The following IQGAP3 variants were observed in gnomAD, a reference collection of about 807,000 sequenced individuals.
IQGAP3 encodes the protein IQ motif containing GTPase activating protein 3, also known as ras GTPase-activating-like protein IQGAP3.
In IQGAP3, 165 loss-of-function variants were observed where a neutral mutation model predicts 208.2. The observed-to-expected ratio is 0.79, with a 90% CI of 0.70 to 0.90. IQGAP3 has a LOEUF of 0.90. IQGAP3 is among the 40% of genes least tolerant of loss of function. IQGAP3 has a pLI of 0.00. For missense variants in IQGAP3, 1,811 were observed against 2,043.1 expected (o/e 0.89, Z 2.19); for synonymous variants, 703 against 803.6 (o/e 0.87, Z 2.12).
rs1486569553 is a variant in IQGAP3, at chr1:156,540,860, G to C, written c.2587C>G (p.Gln863Glu). Reference protein sequence around the residue: ...VVRRFAHLLNQSQQDFLAEAE... With the variant: ...VVRRFAHLLNESQQDFLAEAE... ...TCAGCCAAGAAGTCTTGCTGGCTTTGATTCAAGAGATGGGCAAATCTGCGT... is the reference window on the plus strand; with the variant it reads ...TCAGCCAAGAAGTCTTGCTGGCTTTCATTCAAGAGATGGGCAAATCTGCGT... Residue 863 changes from glutamine (Q) to glutamate (E), a missense_variant, in exon 23 of 38, where the codon CAA (glutamine) becomes GAA (glutamate). Gln to Glu is a conservative substitution (Grantham distance 29). Transcript: ENST00000361170. 6.2e-7 allele frequency: 1 copy of C among 1,614,080 alleles called. No homozygotes were observed. Among genetic ancestry groups the C allele is most frequent in the South Asian group, 1.1e-5 (1 of 91,076 alleles).
At chr1:156,548,769 G>C in intron 16 of IQGAP3, 21 bp from the exon 17 acceptor site, 2 of 1,537,856 alleles carry the variant, frequency 1.3e-6, no homozygotes. Flanking sequence ...CATCAGGAGA[G>C]AGCAGTCAAT....
At chr1:156,562,057 C>T (rs1211429200) in intron 9 of IQGAP3, 56 bp from the exon 10 acceptor site, 2 of 1,465,736 alleles carry the variant, frequency 1.4e-6, no homozygotes, top group Admixed American at 2.0e-5. Context: ...CTCATAATCC[C>T]CTAGTCCAGC....
intron 1 of IQGAP3, among the ~76,000 whole-genome samples, chr1:156,570,988 G>A (rs1234794849): frequency 2.0e-5 from 3 of 152,214 alleles, no homozygotes; most frequent in Non-Finnish European, 2.9e-5. Context: ...AGGGAAACAT[G>A]CCACTCACTT....
chr1:156,532,664 A>G lies in IQGAP3; in HGVS notation c.4103+316T>C, dbSNP rs1041741563. ...GGAGTTTGAGGCCAGCTTGGGCAAC[A>G]TGGCGAGACTCTGTCTCTACTTGAA... On this transcript the variant is annotated intron_variant, in intron 32 of 37. Coordinates refer to ENST00000361170, the MANE Select transcript of IQGAP3 (RefSeq NM_178229.5). Among the ~76,000 whole-genome samples the G allele has an allele frequency of 2.6e-5, 4 of 152,332 alleles. No homozygotes were observed. In the South Asian group the frequency reaches 8.3e-4, roughly 32 times the overall value.
At chr1:156,538,755 C>T (rs1674829607) in intron 26 of IQGAP3, 54 bp downstream of exon 26, 3 of 1,485,390 alleles carry the variant, frequency 2.0e-6, no homozygotes, top group East Asian at 2.3e-5. Context: ...CAAGACACAG[C>T]TGATCAAGAC....
At chr1:156,561,704 G>A (rs1424827542) in intron 10 of IQGAP3, 134 bp downstream of exon 10, 7 of 877,902 alleles carry the variant, frequency 8.0e-6, no homozygotes, top group East Asian at 2.7e-5. Flanking sequence ...AGGCCTTGGG[G>A]TGATTTAACC....
At chr1:156,546,309 C>A in intron 19 of IQGAP3, among the ~76,000 whole-genome samples, 1 of 152,158 alleles carries the variant, frequency 6.6e-6, no homozygotes, top group Admixed American at 6.5e-5. Flanking sequence ...TTTCCCCGGG[C>A]AAGAGGCTCA....
At chr1:156,569,251 T>A in intron 2 of IQGAP3, 125 bp downstream of exon 2, 1 of 619,416 alleles carries the variant, frequency 1.6e-6, no homozygotes, top group Non-Finnish European at 2.9e-6. Flanking sequence ...TAAAAAGCTA[T>A]TTCAACTCGC....
chr1:156,564,563 T>G (rs1676313963), intron 5 of IQGAP3, 52 bp downstream of exon 5: 2 of 1,161,010 alleles, frequency 1.7e-6, no homozygotes, highest in Admixed American at 3.4e-5. Context: ...TTGTTGATTG[T>G]TGGTCGCATC....
chr1:156,533,705 C>A (rs1674535372), intron 31 of IQGAP3, 68 bp downstream of exon 31: 1 of 1,317,354 alleles, frequency 7.6e-7, no homozygotes. Context: ...ACATGCCCTG[C>A]CTGCCTGCCT....
Position 156,561,031 on chromosome 1 carries a change from G to A in IQGAP3, c.1042-10C>T. 1 of 1,605,084 alleles carries A rather than the reference G, an allele frequency of 6.2e-7. No individual in the cohort carries two copies. The highest frequency in any genetic ancestry group is 8.5e-7 in the Non-Finnish European group (1 of 1,172,160). Reference sequence around the variant, plus strand: ...CCACCAGGCCCAGCTCCTAAGAGAGGGAAGAGATACAGTAGAATGGAGTCC... The same window carrying A: ...CCACCAGGCCCAGCTCCTAAGAGAGAGAAGAGATACAGTAGAATGGAGTCC... On this transcript the variant is annotated splice_polypyrimidine_tract_variant and intron_variant, in intron 10 of 37. Transcript: ENST00000361170.
At chr1:156,540,667 C>T (rs768609329) in intron 23 of IQGAP3, 41 bp downstream of exon 23, 2 of 1,539,300 alleles carry the variant, frequency 1.3e-6, no homozygotes, top group Admixed American at 1.7e-5. Flanking sequence ...TCTCCAGAGG[C>T]AGGCAGATCT....
rs1674560285 is a variant in IQGAP3 at position 156,534,043 on chromosome 1, T to C, written c.3839A>G (p.Tyr1280Cys). 6.2e-7 allele frequency: 1 copy of C among 1,613,958 alleles called. No homozygotes were observed. Among genetic ancestry groups the C allele is most frequent in the Non-Finnish European group, 8.5e-7 (1 of 1,180,018 alleles). Residue 1280 changes from tyrosine to cysteine, a missense_variant, in exon 30 of 38, where the codon TAC becomes TGC. Transcript: ENST00000361170. ...DMVAVAKPMV[Y>C]ITVGELVNTH... ...GTTGACCAGCTCCCCCACGGTGATG[T>C]ACACCATGGGTTTGGCCACAGCCAC... is the stretch of plus-strand genomic sequence containing the variant.
Position 156,551,887 on chromosome 1 carries a change from G to A in IQGAP3, c.1571-19C>T. 1 of 1,598,258 alleles carries A rather than the reference G, an allele frequency of 6.3e-7. No individual in the cohort carries two copies. Among genetic ancestry groups the A allele is most frequent in the Non-Finnish European group, 8.5e-7 (1 of 1,170,124 alleles). On this transcript the variant is annotated intron_variant, in intron 14 of 37. Transcript: ENST00000361170. ...AGGACCCCTAAGAAAGAGAGATCTAGGTGGGCAGGGGGCCCCTAGACTTAA... is the reference window on the plus strand; with the variant it reads ...AGGACCCCTAAGAAAGAGAGATCTAAGTGGGCAGGGGGCCCCTAGACTTAA...
intron 25 of IQGAP3, 21 bp downstream of exon 25, chr1:156,539,353 C>T (rs772510997): frequency 1.9e-6 from 3 of 1,610,208 alleles, no homozygotes; most frequent in Non-Finnish European, 2.5e-6. Flanking sequence ...CTCCCCATTC[C>T]TTTGTGTCTG....
At chr1:156,534,203 C>T in intron 29 of IQGAP3, 62 bp from the exon 30 acceptor site, 1 of 1,602,570 alleles carries the variant, frequency 6.2e-7, no homozygotes, top group Non-Finnish European at 8.5e-7. Flanking sequence ...ATCTTCTGTC[C>T]CCATCATTTC....
In IQGAP3 at chr1:156,537,101, A is replaced by C. The variant is rs570422976; in HGVS notation, c.3422+80T>G. On this transcript the variant is annotated intron_variant, in intron 27 of 37. Transcript: ENST00000361170. The stretch of plus-strand genomic sequence containing the variant: ...TCCCTGCCTTCCTCCCTGCAGGACT[A>C]TCACCCTGCTCTGCTCCCCATGGTG... 1.4e-5 allele frequency: 21 copies of C among 1,468,030 alleles called. No homozygotes were observed. In the African/African-American group the frequency reaches 2.9e-4, roughly 21 times the overall value. The allele number at this position is 1,468,030 out of a possible 1,614,324, so 90.9% of individuals were successfully genotyped here.
rs369575479 is a variant in IQGAP3, at chr1:156,544,384, G to A, written c.2388+5C>T. Reference sequence around the variant, plus strand: ...AAAGGAGCCTGCCAAAACCACCGTAGCTACCTTGATTATGGCATCCAGGTT... The same window carrying A: ...AAAGGAGCCTGCCAAAACCACCGTAACTACCTTGATTATGGCATCCAGGTT... On this transcript the variant is annotated splice_donor_5th_base_variant and intron_variant, in intron 20 of 37. Transcript: ENST00000361170. The A allele has an allele frequency of 3.7e-6, 6 of 1,610,470 alleles. No individual in the cohort carries two copies. The highest frequency in any genetic ancestry group is 1.1e-5 in the South Asian group (1 of 91,008).
intron 26 of IQGAP3, among the ~76,000 whole-genome samples, 174 bp downstream of exon 26, chr1:156,538,635 C>G (rs1168619983): frequency 6.6e-6 from 1 of 152,218 alleles, no homozygotes; most frequent in African/African-American, 2.4e-5. Flanking sequence ...CAGAGGGGGT[C>G]TAAAAGACTA....
Sources: allele counts gnomAD v4.1 joint callset (sites outside exome capture counted in the v4.1 genomes callset), GRCh38; gene constraint gnomAD v4.1.1; transcripts MANE v1.5; gene names NCBI Gene and HGNC (gene_info 2026-07-23, HGNC 2026-07-21).